Variants in PRKN observed in about 807,000 individuals in gnomAD.
The protein encoded by PRKN is parkin RBR E3 ubiquitin protein ligase.
PRKN carries 56 observed loss-of-function variants against 59.5 expected under a neutral mutation model. That is an observed-to-expected ratio of 0.94 (90% confidence interval 0.76 to 1.18). The LOEUF (loss-of-function observed/expected upper bound fraction) is 1.18. PRKN is among the 50% of genes most tolerant of loss of function. The probability of loss-of-function intolerance (pLI) is 0.00; values close to 1 mark genes in which losing one functional copy is unlikely to be tolerated. For missense variants in PRKN, 657 were observed against 596.4 expected (o/e 1.10, Z -1.06); for synonymous variants, 250 against 222.1 (o/e 1.13, Z -1.12).
At chr6:162,162,734 G>A (rs1180390325) in intron 4 of PRKN, among the ~76,000 whole-genome samples, 9 of 152,110 alleles carry the variant, frequency 5.9e-5, no homozygotes, top group African/African-American at 1.9e-4. Context: ...TTCTGGCCGG[G>A]TGCGGTGGCT....
At chr6:161,772,503 C>G (rs1789738315) in intron 7 of PRKN, among the ~76,000 whole-genome samples, 1 of 152,120 alleles carries the variant, frequency 6.6e-6, no homozygotes, top group Non-Finnish European at 1.5e-5. Context: ...TGGAACCACC[C>G]AAAACACCAA....
At chr6:162,301,969 C>T (rs1454320459) in intron 2 of PRKN, among the ~76,000 whole-genome samples, 1 of 152,132 alleles carries the variant, frequency 6.6e-6, no homozygotes, top group African/African-American at 2.4e-5. Flanking sequence ...TTAGACTAAA[C>T]TTGTATCAAA....
intron 7 of PRKN, among the ~76,000 whole-genome samples, chr6:161,656,053 C>T (rs946572373): frequency 3.3e-5 from 5 of 152,140 alleles, no homozygotes; most frequent in Admixed American, 6.5e-5. Context: ...GGGAGACAGC[C>T]GAGGTAGCCC....
intron 6 of PRKN, among the ~76,000 whole-genome samples, chr6:161,941,669 G>A (rs1397134898): frequency 1.3e-5 from 2 of 152,140 alleles, no homozygotes; most frequent in Non-Finnish European, 2.9e-5. Context: ...GGGGTTTCAG[G>A]AGCTGTAAAC....
At chr6:162,293,730 G>A (rs549868566) in intron 2 of PRKN, among the ~76,000 whole-genome samples, 12 of 152,340 alleles carry the variant, frequency 7.9e-5, no homozygotes, top group African/African-American at 2.9e-4. Flanking sequence ...GTACTCCAGG[G>A]CTGTGGGAAA....
intron 10 of PRKN, among the ~76,000 whole-genome samples, chr6:161,380,547 T>A (rs1785926793): frequency 6.6e-6 from 1 of 150,546 alleles, no homozygotes; most frequent in Non-Finnish European, 1.5e-5. Context: ...CCACCAAGTC[T>A]ATCTTTAATG....
intron 4 of PRKN, among the ~76,000 whole-genome samples, chr6:162,190,664 G>C (rs1784239837): frequency 6.6e-6 from 1 of 152,156 alleles, no homozygotes; most frequent in Admixed American, 6.6e-5. Flanking sequence ...TCACAGTACT[G>C]GTCTGTACTG....
chr6:162,149,638 C>T (rs1782177495), intron 4 of PRKN, among the ~76,000 whole-genome samples: 1 of 152,014 alleles, frequency 6.6e-6, no homozygotes, highest in Non-Finnish European at 1.5e-5. Flanking sequence ...GGTCTTGAGG[C>T]CAAAAAGTGA....
intron 4 of PRKN, among the ~76,000 whole-genome samples, chr6:162,126,568 C>T (rs1163410963): frequency 3.3e-5 from 5 of 152,164 alleles, no homozygotes; most frequent in Non-Finnish European, 5.9e-5. Context: ...AAATAAATGT[C>T]CATTTTTAGC....
rs1206513123 is a variant in PRKN at position 161,393,146 on chromosome 6, A to C, written c.1084-6269T>G. Among the ~76,000 whole-genome samples, 1 of 152,192 alleles carries C rather than the reference A, an allele frequency of 6.6e-6. No homozygotes were observed. The highest frequency in any genetic ancestry group is 6.5e-5 in the Admixed American group (1 of 15,290). On this transcript the variant is annotated intron_variant, in intron 9 of 11. Transcript: ENST00000366898. The surrounding 1 kb of genome is among the most constrained non-coding windows in gnomAD (Gnocchi z 4.7). ...CAAAGAAGAAATAATAAGATAAAGA[A>C]TATTTAACACAGTTTCTGGTACACA...
At chr6:162,327,110 C>T (rs1050544807) in intron 2 of PRKN, among the ~76,000 whole-genome samples, 6 of 152,086 alleles carry the variant, frequency 3.9e-5, no homozygotes, top group Non-Finnish European at 8.8e-5. Context: ...CAGGAAATAC[C>T]GCCCTTCCAA....
In PRKN at chr6:162,552,085, A is replaced by C. The variant is rs549492078; in HGVS notation, c.8-108612T>G. 2.0e-5 allele frequency among the ~76,000 whole-genome samples: 3 copies of C among 152,348 alleles called. No homozygotes were observed. In the East Asian group the frequency reaches 5.8e-4, roughly 29 times the overall value. On this transcript the variant is annotated intron_variant, in intron 1 of 11. Transcript: ENST00000366898. ...CTTGAATAAAAAGAACACAGCCATG[A>C]GAAGAGAGAAGGAAAACACATTCCA...
At chr6:161,906,676 G>GTATATATATATATATA (rs1562381686) in intron 6 of PRKN, among the ~76,000 whole-genome samples, 1 of 106,782 alleles carries the variant, frequency 9.4e-6, no homozygotes, top group African/African-American at 3.5e-5. Context: ...ATATATATAT[G>GTATATATATATATATA]TATATATGAG....
intron 10 of PRKN, among the ~76,000 whole-genome samples, chr6:161,381,916 T>C (rs1786005156): frequency 6.6e-6 from 1 of 151,646 alleles, no homozygotes; most frequent in South Asian, 2.1e-4. Flanking sequence ...ATTGAGACCA[T>C]CCTGGCTAAC....
chr6:162,215,560 A>C (rs752434693), intron 3 of PRKN, among the ~76,000 whole-genome samples: 5 of 152,206 alleles, frequency 3.3e-5, no homozygotes, highest in Non-Finnish European at 7.3e-5. Flanking sequence ...ATTGGTTATA[A>C]ATCTTCATTT....
At chr6:161,542,475 A>C (rs1050803755) in intron 9 of PRKN, among the ~76,000 whole-genome samples, 3 of 152,244 alleles carry the variant, frequency 2.0e-5, no homozygotes, top group African/African-American at 7.2e-5. Context: ...CAGTTTCTTT[A>C]ACTAAAATAA....
At chr6:161,509,576 TG>T (rs573595904) in intron 9 of PRKN, among the ~76,000 whole-genome samples, 1 of 151,402 alleles carries the variant, frequency 6.6e-6, no homozygotes, top group African/African-American at 2.4e-5. Flanking sequence ...GAGCTTCCTT[TG>T]GGGGGAAAAA....
At chr6:161,801,148 C>T (rs527564282) in intron 6 of PRKN, among the ~76,000 whole-genome samples, 2 of 152,298 alleles carry the variant, frequency 1.3e-5, no homozygotes, top group African/African-American at 4.8e-5. Flanking sequence ...CCACCGGTGA[C>T]GGAGCAGGCA....
intron 4 of PRKN, among the ~76,000 whole-genome samples, chr6:162,168,718 T>G (rs1392732299): frequency 2.0e-5 from 3 of 151,628 alleles, no homozygotes; most frequent in African/African-American, 2.4e-5. Context: ...TCGCTATTTA[T>G]GTTATTACAG....
Sources: gnomAD v4.1 joint callset for allele counts (sites outside exome capture counted in the v4.1 genomes callset) on GRCh38, gnomAD v4.1.1 for gene constraint, Gnocchi (gnomAD v3.1) non-coding constraint, MANE v1.5 for transcripts, NCBI Gene and HGNC (gene_info 2026-07-23, HGNC 2026-07-21) for gene names.